Variants in GPC5 observed in about 807,000 individuals in gnomAD.
GPC5 encodes the protein glypican 5.
A neutral mutation model predicts 53.9 loss-of-function variants in GPC5; 47 were observed. The ratio of observed to expected loss-of-function variants is 0.87; its 90% CI spans 0.69 to 1.11. The LOEUF is 1.11. Among genes scored for constraint, GPC5 ranks in the 50% most tolerant of loss-of-function variants. The pLI is 0.00. For synonymous variants in GPC5, 286 were observed against 263.3 expected (o/e 1.09, Z -0.84); for missense variants, 748 against 713.1 (o/e 1.05, Z -0.56).
At chr13:92,694,512 T>G (rs1297761326) in intron 7 of GPC5, among the ~76,000 whole-genome samples, 1 of 152,198 alleles carries the variant, frequency 6.6e-6, no homozygotes, top group Admixed American at 6.5e-5. Context: ...ATTTCAAAGC[T>G]TTAAGATTTA....
intron 7 of GPC5, among the ~76,000 whole-genome samples, chr13:92,764,019 G>A (rs1875295356): frequency 6.6e-6 from 1 of 152,102 alleles, no homozygotes. Flanking sequence ...TTGCCTGTAG[G>A]GCTGGGCTGT....
intron 6 of GPC5, among the ~76,000 whole-genome samples, chr13:92,111,128 A>G (rs2041553416): frequency 6.6e-6 from 1 of 152,196 alleles, no homozygotes; most frequent in African/African-American, 2.4e-5. Flanking sequence ...TTGGCAATAT[A>G]GTTCTAATAT....
intron 7 of GPC5, among the ~76,000 whole-genome samples, chr13:92,777,039 A>AAG (rs1367513952): frequency 6.6e-6 from 1 of 150,476 alleles, no homozygotes; most frequent in Non-Finnish European, 1.5e-5. Flanking sequence ...AAAAAAAAAA[A>AAG]AAAAAAAAAA....
chr13:91,926,916 A>T (rs530367986), intron 6 of GPC5, among the ~76,000 whole-genome samples: 1 of 152,188 alleles, frequency 6.6e-6, no homozygotes, highest in African/African-American at 2.4e-5. Flanking sequence ...TTCTACCATG[A>T]TTATATTTTT....
At chr13:92,535,064 A>G (rs930035285) in intron 7 of GPC5, among the ~76,000 whole-genome samples, 5 of 152,136 alleles carry the variant, frequency 3.3e-5, no homozygotes, top group Non-Finnish European at 7.3e-5. Flanking sequence ...AAAGAACGGG[A>G]ACCCATTTAA....
At chr13:91,938,092 C>T (rs1310798904) in intron 6 of GPC5, among the ~76,000 whole-genome samples, 1 of 152,036 alleles carries the variant, frequency 6.6e-6, no homozygotes, top group Non-Finnish European at 1.5e-5. Context: ...GAGATCTATA[C>T]TAAGTGTGTT....
At chr13:91,591,398 C>G (rs2139166494) in intron 2 of GPC5, among the ~76,000 whole-genome samples, 1 of 152,282 alleles carries the variant, frequency 6.6e-6, no homozygotes. Context: ...CTTCGTGAAT[C>G]TGATGACTAT....
intron 2 of GPC5, among the ~76,000 whole-genome samples, chr13:91,504,251 G>A (rs1266847451): frequency 6.6e-6 from 1 of 151,842 alleles, no homozygotes; most frequent in Non-Finnish European, 1.5e-5. Flanking sequence ...AGCACAAAAG[G>A]GTACTGCTTA....
chr13:91,596,864 C>T (rs1280624741), intron 2 of GPC5, among the ~76,000 whole-genome samples: 1 of 152,092 alleles, frequency 6.6e-6, no homozygotes, highest in East Asian at 1.9e-4. Flanking sequence ...CCGTGCCTTT[C>T]CTAGTAGCCT....
intron 2 of GPC5, among the ~76,000 whole-genome samples, chr13:91,597,750 G>T (rs909632544): frequency 6.6e-6 from 1 of 151,964 alleles, no homozygotes; most frequent in Non-Finnish European, 1.5e-5. Context: ...TTTGTCCTGG[G>T]GTCCAAAATG....
intron 7 of GPC5, among the ~76,000 whole-genome samples, chr13:92,494,445 C>G (rs933726786): frequency 2.0e-5 from 3 of 152,172 alleles, no homozygotes; most frequent in Non-Finnish European, 4.4e-5. Context: ...GTATTTTTCT[C>G]ATCCTTGAAA....
chr13:92,226,174 A>G (rs543539345), intron 7 of GPC5, among the ~76,000 whole-genome samples: 64 of 152,076 alleles, frequency 4.2e-4, no homozygotes, highest in Non-Finnish European at 8.4e-4. Context: ...TGTAAGTTTC[A>G]TGAGTCCACC....
intron 7 of GPC5, among the ~76,000 whole-genome samples, chr13:92,390,617 T>C (rs1874951446): frequency 6.6e-6 from 1 of 152,168 alleles, no homozygotes; most frequent in South Asian, 2.1e-4. Flanking sequence ...ATGATCCTAG[T>C]CGTGATGTTT....
chr13:92,438,899 A>T (rs1028107105), intron 7 of GPC5, among the ~76,000 whole-genome samples: 4 of 152,282 alleles, frequency 2.6e-5, no homozygotes, highest in African/African-American at 7.2e-5. Flanking sequence ...GAAAGTAAGC[A>T]TGCTGGAAAA....
chr13:91,934,464 A>G (rs1320568202), intron 6 of GPC5, among the ~76,000 whole-genome samples: 2 of 151,934 alleles, frequency 1.3e-5, no homozygotes, highest in African/African-American at 4.8e-5. Flanking sequence ...TTGTAACATA[A>G]TTGCTTTCTG....
chr13:92,228,825 T>C (rs2042508284), intron 7 of GPC5, among the ~76,000 whole-genome samples: 1 of 152,100 alleles, frequency 6.6e-6, no homozygotes, highest in African/African-American at 2.4e-5. Flanking sequence ...TAACCAAGCA[T>C]GGTCCCAGGA....
In GPC5 at chr13:92,432,573, C is replaced by T. The variant is rs187888026; in HGVS notation, c.1561+287584C>T. ...TTTTTTTTAAATAGAGACGTGATTT[C>T]GCTGTGTTAGCCAGGATGGTCTTGA... On this transcript the variant is annotated intron_variant, in intron 7 of 7. Coordinates refer to ENST00000377067, the MANE Select transcript of GPC5 (RefSeq NM_004466.6). Among the ~76,000 whole-genome samples the T allele has an allele frequency of 6.6e-5, 10 of 150,660 alleles. No homozygotes were observed. The East Asian group carries it at 1.4e-3, about 21-fold the overall frequency.
At chr13:91,923,736 T>A (rs2039740022) in intron 6 of GPC5, among the ~76,000 whole-genome samples, 1 of 152,142 alleles carries the variant, frequency 6.6e-6, no homozygotes, top group Admixed American at 6.5e-5. Context: ...CTGAAAAAGA[T>A]CATTTTTAAA....
chr13:91,665,375 A>G (rs1399173505), intron 2 of GPC5, among the ~76,000 whole-genome samples: 1 of 152,210 alleles, frequency 6.6e-6, no homozygotes, highest in Non-Finnish European at 1.5e-5. Context: ...GTTCAAGCCC[A>G]TGTGTGGAAT....
Sources: gnomAD v4.1 joint callset for allele counts (sites outside exome capture counted in the v4.1 genomes callset) on GRCh38, gnomAD v4.1.1 for gene constraint, MANE v1.5 for transcripts, NCBI Gene and HGNC (gene_info 2026-07-23, HGNC 2026-07-21) for gene names.